Variants in TTN observed in about 807,000 individuals in gnomAD.
The protein encoded by TTN is titin.
Under a neutral mutation model 3,223.0 loss-of-function variants are expected in TTN, and 1,525 were observed. The ratio of observed to expected loss-of-function variants is 0.47; its 90% confidence interval spans 0.45 to 0.49. The LOEUF is 0.49. TTN is among the 20% of genes least tolerant of loss of function. TTN has a pLI of 0.00. For missense variants in TTN, 40,786 were observed against 43,424.0 expected, an observed-to-expected ratio of 0.94 and a Z score of 5.40; for synonymous variants, 14,094 against 15,161.0, an observed-to-expected ratio of 0.93 and a Z score of 5.17.
At chr2:178,628,414 G>A (rs1180376680) in intron 240 of TTN, among the ~76,000 whole-genome samples, 1 of 151,918 alleles carries the variant, frequency 6.6e-6, no homozygotes, top group Non-Finnish European at 1.5e-5. Context: ...GTACTGTCCT[G>A]TGCTTTATTT....
rs1330345469 is a variant in TTN, at chr2:178,724,154, A to G, written c.21116-11T>C. ...GAGGAACTGCTCGGTCTGTGTGAGG[A>G]AAGGTAAGAGACTCATCATGATTTG... On this transcript the variant is annotated splice_polypyrimidine_tract_variant and intron_variant, in intron 72 of 362. Transcript: ENST00000589042. 1.9e-6 allele frequency: 3 copies of G among 1,605,576 alleles called. No homozygotes were observed. The highest frequency in any genetic ancestry group is 2.7e-5 in the African/African-American group (2 of 74,534).
In TTN at chr2:178,536,318, C is replaced by G. The variant is rs794729556; in HGVS notation, c.100429G>C (p.Glu33477Gln). The G allele has an allele frequency of 6.2e-7, 1 of 1,613,548 alleles. No individual in the cohort carries two copies. Among genetic ancestry groups the G allele is most frequent in the African/African-American group, 1.3e-5 (1 of 74,926 alleles). The change falls in exon 357 of 363, where the codon GAA becomes CAA. Residue 33477 changes from glutamate (E) to glutamine (Q), a missense_variant. Coordinates refer to ENST00000589042, the MANE Select transcript of TTN (RefSeq NM_001267550.2). The part of the protein sequence containing the change: ...VKCENLGGES[E>Q]WSEISEPITP... ...ATGGGTTCTGATATTTCACTCCATT[C>G]ACTTTCCCCACCTAGATTTTCACAT... is the stretch of plus-strand genomic sequence containing the variant.
Position 178,538,608 on chromosome 2 carries a change from A to G in TTN, c.99221T>C (p.Phe33074Ser), listed in dbSNP as rs1328730203. 2.5e-6 allele frequency: 4 copies of G among 1,613,640 alleles called. No homozygotes were observed. In the African/African-American group the frequency reaches 5.3e-5, roughly 22 times the overall value. ...GCTCAGCCCAGTCTCATTCTCAGCAAAAACCCTGAATTCATACTCAGTAGC... is the reference window on the plus strand; with the variant it reads ...GCTCAGCCCAGTCTCATTCTCAGCAGAAACCCTGAATTCATACTCAGTAGC... Reference protein sequence around the residue: ...LEATEYEFRVFAENETGLSRP... With the variant: ...LEATEYEFRVSAENETGLSRP... Residue 33074 changes from phenylalanine (F) to serine (S), a missense_variant, in exon 354 of 363, where the codon TTT becomes TCT. Coordinates refer to ENST00000589042, the MANE Select transcript of TTN (RefSeq NM_001267550.2).
chr2:178,583,732 TC>T lies in TTN; in HGVS notation c.65449del (p.Glu21817LysfsTer8). On this transcript the variant is annotated frameshift_variant, in exon 312 of 363. Coordinates refer to ENST00000589042, the MANE Select transcript of TTN (RefSeq NM_001267550.2). LOFTEE classifies it high-confidence loss of function. ...CNTAPHQIPQ[E>X]EYTATGLEEK... ...TTCTAGGCCAGTAGCTGTGTACTCTTCCTGGGGAATCTGGTGAGGTGCAGTA... is the reference window on the plus strand; with the variant it reads ...TTCTAGGCCAGTAGCTGTGTACTCTTCTGGGGAATCTGGTGAGGTGCAGTA... 6.2e-7 allele frequency: 1 copy of T among 1,612,402 alleles called. No homozygotes were observed. Among genetic ancestry groups the T allele is most frequent in the Non-Finnish European group, 8.5e-7 (1 of 1,179,178 alleles).
Position 178,562,148 on chromosome 2 carries a change from T to G in TTN, c.83984A>C (p.Asn27995Thr), listed in dbSNP as rs751728774. 8 of 1,613,134 alleles carry G rather than the reference T, an allele frequency of 5.0e-6. No individual in the cohort carries two copies. Among genetic ancestry groups the G allele is most frequent in the Non-Finnish European group, 6.8e-6 (8 of 1,179,588 alleles). Reference protein sequence around the residue: ...PFKGRPQATVNWRKDGQTLKE... With the variant: ...PFKGRPQATVTWRKDGQTLKE... ...AAGAGTCTGACCATCTTTTCTCCAG[T>G]TCACAGTAGCTTGAGGTCTTCCTTT... is the stretch of plus-strand genomic sequence containing the variant. Residue 27995 changes from asparagine to threonine, a missense_variant, in exon 326 of 363, where the codon AAC becomes ACC. Physicochemically the swap from Asn to Thr is moderately conservative, Grantham distance 65. Transcript: ENST00000589042.
rs1469115773 is a variant in TTN at position 178,548,150 on chromosome 2, A to G, written c.93476T>C (p.Phe31159Ser). The change falls in exon 339 of 363, where the codon TTC becomes TCC. Residue 31159 changes from phenylalanine (F) to serine (S), a missense_variant. Physicochemically the swap from Phe to Ser is radical, Grantham distance 155. Transcript: ENST00000589042. This position sits in a 1 kb window ranked among gnomAD's most constrained non-coding sequence, Gnocchi z 4.3. Reference sequence around the variant, plus strand: ...TTTGGTGTGACCAGCTTCAACCCAGAAGTCAGATCCCTTTTGTCTCATTTC... The same window carrying G: ...TTTGGTGTGACCAGCTTCAACCCAGGAGTCAGATCCCTTTTGTCTCATTTC... The part of the protein sequence containing the change: ...LLEMRQKGSD[F>S]WVEAGHTKQL... The G allele has an allele frequency of 6.2e-7, 1 of 1,613,874 alleles. No individual in the cohort carries two copies. Among genetic ancestry groups the G allele is most frequent in the Non-Finnish European group, 8.5e-7 (1 of 1,179,818 alleles).
Position 178,723,139 on chromosome 2 carries a change from G to T in TTN, c.21868C>A (p.Leu7290Met). ...CCTGCATCTCTTTTTGTGCTATTCA[G>T]AATTTCCAGGATACAAGTTTTCTCT... is the stretch of plus-strand genomic sequence containing the variant. Reference protein sequence around the residue: ...TTEKTCILEILNSTKRDAGQY... With the variant: ...TTEKTCILEIMNSTKRDAGQY... Residue 7290 changes from leucine to methionine, a missense_variant, in exon 75 of 363, where the codon CTG becomes ATG. Physicochemically the swap from Leu to Met is conservative, Grantham distance 15. Transcript: ENST00000589042. 1 of 1,613,484 alleles carries T rather than the reference G, an allele frequency of 6.2e-7. No homozygotes were observed. Among genetic ancestry groups the T allele is most frequent in the Non-Finnish European group, 8.5e-7 (1 of 1,179,640 alleles).
intron 6 of TTN, chr2:178,799,241 C>T (rs2093925768): frequency 7.5e-6 from 4 of 536,800 alleles, no homozygotes; most frequent in South Asian, 2.0e-5. Context: ...CACGCCCACA[C>T]CCTATGCCTA....
intron 359 of TTN, 103 bp from the exon 360 acceptor site, chr2:178,529,322 ACTT>A: frequency 1.1e-6 from 1 of 902,962 alleles, no homozygotes; most frequent in African/African-American, 1.7e-5. Flanking sequence ...AAAAAAGTCA[ACTT>A]CTTCATGCAA....
chr2:178,751,331 C>A, intron 47 of TTN: 2 of 1,610,102 alleles, frequency 1.2e-6, no homozygotes, highest in Non-Finnish European at 1.7e-6. Context: ...GAAACTTTCA[C>A]CTACATTAAG....
chr2:178,785,339 A>T (rs1001645195), intron 15 of TTN, among the ~76,000 whole-genome samples: 1 of 152,174 alleles, frequency 6.6e-6, no homozygotes, highest in Non-Finnish European at 1.5e-5. Flanking sequence ...AAAACAATTG[A>T]GTTTGAGCTG....
Position 178,559,800 on chromosome 2 carries a change from A to C in TTN, c.86332T>G (p.Phe28778Val). ...AGASFTMTVP[F>V]RGRPVPNVLW... is the part of the protein sequence containing the mutation. ...ACATTGGGTACTGGTCTTCCTCGGAAAGGCACAGTCATGGTAAATGAGGCA... is the reference window on the plus strand; with the variant it reads ...ACATTGGGTACTGGTCTTCCTCGGACAGGCACAGTCATGGTAAATGAGGCA... Residue 28778 changes from phenylalanine (F) to valine (V), a missense_variant, in exon 326 of 363, where the codon TTC (phenylalanine) becomes GTC (valine). Phe to Val is a conservative substitution (Grantham distance 50). Coordinates refer to ENST00000589042, the MANE Select transcript of TTN (RefSeq NM_001267550.2). The C allele has an allele frequency of 1.2e-6, 2 of 1,609,100 alleles. No homozygotes were observed. The highest frequency in any genetic ancestry group is 1.7e-6 in the Non-Finnish European group (2 of 1,178,518).
chr2:178,663,822 T>C lies in TTN; in HGVS notation c.36445A>G (p.Lys12149Glu), dbSNP rs753639269. ...GCCTAAGGTCAGTGGCAACTACCTT[T>C]AACAGGTGGGACTTCAGGCTCTTTA... ...PPKEPEVPPV[K>E]VPEPPKEVVP... The change falls in exon 170 of 363, where the codon AAA becomes GAA. Residue 12149 changes from lysine to glutamate, a missense_variant. Coordinates refer to ENST00000589042, the MANE Select transcript of TTN (RefSeq NM_001267550.2). The C allele has an allele frequency of 6.8e-6, 11 of 1,613,436 alleles. No homozygotes were observed. Among genetic ancestry groups the C allele is most frequent in the East Asian group, 2.2e-5 (1 of 44,882 alleles).
At chr2:178,626,634 G>A (rs1016138553) in intron 240 of TTN, among the ~76,000 whole-genome samples, 1 of 151,904 alleles carries the variant, frequency 6.6e-6, no homozygotes, top group South Asian at 2.1e-4. Flanking sequence ...CTTAATAATT[G>A]AGAGTGGCCA....
rs751267287 is a variant in TTN at position 178,610,270 on chromosome 2, G to A, written c.51256C>T (p.Arg17086Cys). Residue 17086 changes from arginine to cysteine, a missense_variant, in exon 271 of 363, where the codon CGC (arginine) becomes TGC (cysteine). By Grantham distance (180) the Arg-to-Cys change is radical. Transcript: ENST00000589042. The stretch of plus-strand genomic sequence containing the variant: ...TATGTTCTCCTCCCAGCTTCTCTGC[G>A]CTCCAGGACATAATGAAGAATTGGG... Reference protein sequence around the residue: ...GTPILHYVLERREAGRRTYIP... With the variant: ...GTPILHYVLECREAGRRTYIP... The A allele has an allele frequency of 2.5e-5, 41 of 1,612,882 alleles. No individual in the cohort carries two copies. The East Asian group carries it at 2.7e-4, about 11-fold the overall frequency.
At chr2:178,668,558 C>G (rs2066374630) in intron 159 of TTN, among the ~76,000 whole-genome samples, 1 of 151,858 alleles carries the variant, frequency 6.6e-6, no homozygotes, top group Admixed American at 6.6e-5. Context: ...TGGTAAAACC[C>G]TGTCTCTACT....
chr2:178,573,340 T>C lies in TTN; in HGVS notation c.72792A>G (p.Lys24264=). 1 of 1,545,236 alleles carries C rather than the reference T, an allele frequency of 6.5e-7. No individual in the cohort carries two copies. Among genetic ancestry groups the C allele is most frequent in the South Asian group, 1.3e-5 (1 of 78,214 alleles). ...TGCATTTAATCCAGCGTTGGCCAGCTTTATCACGCCGTTCCACAATATAAT... is the reference window on the plus strand; with the variant it reads ...TGCATTTAATCCAGCGTTGGCCAGCCTTATCACGCCGTTCCACAATATAAT... The part of the protein sequence containing the change: ...IINYIVERRD[K]AGQRWIKCNK... Residue 24264 remains lysine (K), a synonymous_variant, in exon 326 of 363, where the codon AAA becomes AAG. Coordinates refer to ENST00000589042, the MANE Select transcript of TTN (RefSeq NM_001267550.2).
At chr2:178,680,076 A>G (rs571177064) in intron 139 of TTN, 21 bp from the exon 140 acceptor site, 25 of 1,609,336 alleles carry the variant, frequency 1.6e-5, no homozygotes, top group Non-Finnish European at 2.0e-5. Context: ...ATTATCTTTA[A>G]GTTGGACATT....
At position 178,545,996 on chromosome 2, in the gene TTN, C is replaced by A; in HGVS notation, c.95240G>T (p.Arg31747Ile). 1.2e-6 allele frequency: 2 copies of A among 1,613,824 alleles called. No homozygotes were observed. Among genetic ancestry groups the A allele is most frequent in the Non-Finnish European group, 1.7e-6 (2 of 1,179,788 alleles). ...GAEITHYIVE[R>I]RETSRLNWVI... is the part of the protein sequence containing the mutation. ...CCAGTTGAGCCTGCTAGTCTCGCGT[C>A]TTTCCACGATGTAGTGAGTGATTTC... Residue 31747 changes from arginine (R) to isoleucine (I), a missense_variant, in exon 343 of 363, where the codon AGA (arginine) becomes ATA (isoleucine). Arg to Ile is a moderately conservative substitution (Grantham distance 97, BLOSUM62 -3). Coordinates refer to ENST00000589042, the MANE Select transcript of TTN (RefSeq NM_001267550.2).
Sources: gnomAD v4.1 joint callset for allele counts (sites outside exome capture counted in the v4.1 genomes callset) on GRCh38, gnomAD v4.1.1 for gene constraint, Gnocchi (gnomAD v3.1) non-coding constraint, MANE v1.5 for transcripts, NCBI Gene and HGNC (gene_info 2026-07-23, HGNC 2026-07-21) for gene names.